The following KCNH8 variants were observed in gnomAD, a reference collection of about 807,000 sequenced individuals.
The protein encoded by KCNH8 is voltage-gated delayed rectifier potassium channel KCNH8.
Under a neutral mutation model 103.6 loss-of-function variants are expected in KCNH8, and 70 were observed. That is an observed-to-expected ratio of 0.68 (90% CI 0.56 to 0.82). KCNH8 has a LOEUF of 0.82. Ranked by LOEUF, KCNH8 falls within the 40% of genes least tolerant of loss-of-function variation. The probability of loss-of-function intolerance (pLI) is 0.00; values close to 1 mark genes in which losing one functional copy is unlikely to be tolerated. For synonymous variants in KCNH8, 498 were observed against 489.4 expected (o/e 1.02, Z -0.23); for missense variants, 1,217 against 1,329.9 (o/e 0.92, Z 1.32).
At chr3:19,279,627 A>G (rs2064730136) in intron 2 of KCNH8, among the ~76,000 whole-genome samples, 1 of 152,064 alleles carries the variant, frequency 6.6e-6, no homozygotes, top group Admixed American at 6.6e-5. Flanking sequence ...GAGAATACAG[A>G]GGAACGAGCA....
At chr3:19,440,479 T>C (rs2067266399) in intron 8 of KCNH8, among the ~76,000 whole-genome samples, 1 of 152,142 alleles carries the variant, frequency 6.6e-6, no homozygotes, top group African/African-American at 2.4e-5. Flanking sequence ...CACAAGCACA[T>C]TTCACATGGT....
At chr3:19,412,597 A>G (rs533682494) in intron 7 of KCNH8, among the ~76,000 whole-genome samples, 2 of 152,114 alleles carry the variant, frequency 1.3e-5, no homozygotes, top group African/African-American at 4.8e-5. Flanking sequence ...GAATAAAAAG[A>G]CAACCTACCG....
At chr3:19,161,094 T>G (rs2063229680) in intron 1 of KCNH8, among the ~76,000 whole-genome samples, 1 of 152,112 alleles carries the variant, frequency 6.6e-6, no homozygotes, top group Non-Finnish European at 1.5e-5. Context: ...GGAAAAAAAT[T>G]GTGCTAGTTT....
At chr3:19,324,802 A>G (rs1318704608) in intron 3 of KCNH8, among the ~76,000 whole-genome samples, 4 of 151,750 alleles carry the variant, frequency 2.6e-5, no homozygotes, top group Non-Finnish European at 4.4e-5. Flanking sequence ...TTAAACTACA[A>G]TTGACATTCT....
chr3:19,287,543 C>T (rs1268911206), intron 3 of KCNH8, among the ~76,000 whole-genome samples: 2 of 151,822 alleles, frequency 1.3e-5, no homozygotes, highest in African/African-American at 2.4e-5. Flanking sequence ...ATTTAAGAAT[C>T]AGCTTAATAA....
chr3:19,478,465 G>A (rs7635253), intron 11 of KCNH8, among the ~76,000 whole-genome samples: 4,783 of 151,968 alleles, frequency 0.031, 207 homozygotes, highest in African/African-American at 0.093. Context: ...TTTAATAATA[G>A]CCATTCTCAC....
At position 19,219,717 on chromosome 3, in the gene KCNH8, G is replaced by A. The variant is rs541086535; in HGVS notation, c.77-33937G>A. Among the ~76,000 whole-genome samples, 3 of 152,236 alleles carry A rather than the reference G, an allele frequency of 2.0e-5. No homozygotes were observed. In the East Asian group the frequency reaches 5.8e-4, roughly 29 times the overall value. ...TGCTTGCCATGGCTCCCTTCTGAGAGCTCAAAGCATTCTCTTCCTACAGAG... is the reference window on the plus strand; with the variant it reads ...TGCTTGCCATGGCTCCCTTCTGAGAACTCAAAGCATTCTCTTCCTACAGAG... On this transcript the variant is annotated intron_variant, in intron 1 of 15. Coordinates refer to ENST00000328405, the MANE Select transcript of KCNH8 (RefSeq NM_144633.3).
intron 4 of KCNH8, among the ~76,000 whole-genome samples, chr3:19,343,107 T>G (rs2065683309): frequency 6.6e-6 from 1 of 152,128 alleles, no homozygotes; most frequent in Non-Finnish European, 1.5e-5. Flanking sequence ...TTGCATATTA[T>G]CTAGTTCTAC....
At chr3:19,338,004 G>A (rs576858803) in intron 3 of KCNH8, among the ~76,000 whole-genome samples, 4 of 151,806 alleles carry the variant, frequency 2.6e-5, no homozygotes, top group Non-Finnish European at 5.9e-5. Flanking sequence ...AGAGGCGGGG[G>A]GGGGAGAAAG....
intron 1 of KCNH8, among the ~76,000 whole-genome samples, chr3:19,180,155 A>T (rs1326764709): frequency 1.3e-5 from 2 of 152,136 alleles, no homozygotes; most frequent in African/African-American, 2.4e-5. Flanking sequence ...GATAGCCTAG[A>T]ATGTATTATA....
At chr3:19,225,558 C>T (rs572258777) in intron 1 of KCNH8, among the ~76,000 whole-genome samples, 27 of 152,010 alleles carry the variant, frequency 1.8e-4, no homozygotes, top group East Asian at 3.9e-4. Context: ...ATCTTCTGGA[C>T]GTATGAATGT....
chr3:19,479,256 C>T (rs2068039195), intron 11 of KCNH8, among the ~76,000 whole-genome samples: 1 of 152,122 alleles, frequency 6.6e-6, no homozygotes. Flanking sequence ...AGCTCAATTA[C>T]TTAACTTGTA....
chr3:19,513,235 ACCC>A lies in KCNH8; in HGVS notation c.2350_2352del (p.Pro784del). The A allele has an allele frequency of 6.3e-7, 1 of 1,582,258 alleles. No homozygotes were observed. Among genetic ancestry groups the A allele is most frequent in the Non-Finnish European group, 8.6e-7 (1 of 1,164,600 alleles). On this transcript the variant is annotated inframe_deletion, in exon 13 of 16. Coordinates refer to ENST00000328405, the MANE Select transcript of KCNH8 (RefSeq NM_144633.3). ...TCCCCCAAAACCAAGCAGGAAATTG[ACCC>A]CCCCAACCATAATAAAAGGAAAGAG...
intron 11 of KCNH8, among the ~76,000 whole-genome samples, chr3:19,489,781 C>T (rs768336967): frequency 1.8e-4 from 28 of 152,054 alleles, no homozygotes; most frequent in Non-Finnish European, 3.4e-4. Context: ...ACAGTTTACA[C>T]CAAACCAGAA....
intron 1 of KCNH8, among the ~76,000 whole-genome samples, chr3:19,199,090 C>A (rs542490690): frequency 2.3e-4 from 35 of 152,100 alleles, no homozygotes; most frequent in African/African-American, 7.5e-4. Flanking sequence ...TGTAAGAAGA[C>A]CTTCCCCTCA....
intron 12 of KCNH8, 66 bp from the exon 13 acceptor site, chr3:19,512,904 C>T: frequency 7.3e-7 from 1 of 1,375,890 alleles, no homozygotes; most frequent in Admixed American, 2.1e-5. Context: ...AGACCTCCAG[C>T]ATTAATGATA....
chr3:19,456,808 C>A lies in KCNH8; in HGVS notation c.1866C>A (p.Asp622Glu), dbSNP rs370658355. Residue 622 changes from aspartate (D) to glutamate (E), a missense_variant, in exon 11 of 16, where the codon GAC (aspartate) becomes GAA (glutamate). By Grantham distance (45) the Asp-to-Glu change is conservative. Around this residue, in one of 3 missense-constraint regions of KCNH8, gnomAD observed 415 missense variants for 577.4 expected, o/e 0.72. Coordinates refer to ENST00000328405, the MANE Select transcript of KCNH8 (RefSeq NM_144633.3). ...TTGGAGCAAATCTATCAATTAAGGA[C>A]CAAGTGATCAAGACCAATGCAGATG... is the stretch of plus-strand genomic sequence containing the variant. Reference protein sequence around the residue: ...DLIGANLSIKDQVIKTNADVK... With the variant: ...DLIGANLSIKEQVIKTNADVK... 2.3e-4 allele frequency: 370 copies of A among 1,610,768 alleles called. 1 individual carries two copies. The highest frequency in any genetic ancestry group is 3.0e-4 in the Non-Finnish European group (353 of 1,178,066).
chr3:19,474,194 A>G (rs2067922105), intron 11 of KCNH8, among the ~76,000 whole-genome samples: 1 of 152,180 alleles, frequency 6.6e-6, no homozygotes, highest in Non-Finnish European at 1.5e-5. Flanking sequence ...ATGGAAATTA[A>G]ATTTAAATTT....
intron 15 of KCNH8, among the ~76,000 whole-genome samples, chr3:19,532,011 T>C (rs1363660700): frequency 2.0e-5 from 3 of 152,196 alleles, no homozygotes; most frequent in Non-Finnish European, 4.4e-5. Flanking sequence ...GACTAGAAAA[T>C]ACATGTGTGT....
Sources: gnomAD v4.1 joint callset for allele counts (sites outside exome capture counted in the v4.1 genomes callset) on GRCh38, gnomAD v4.1.1 for gene constraint, gnomAD v4.1.1 regional missense constraint, MANE v1.5 for transcripts, NCBI Gene and HGNC (gene_info 2026-07-23, HGNC 2026-07-21) for gene names.